The following TDRD9 variants were observed in gnomAD, a reference collection of about 807,000 sequenced individuals.
TDRD9 encodes ATP-dependent RNA helicase TDRD9.
In TDRD9, 124 loss-of-function variants were observed where a neutral mutation model predicts 172.6. That is an observed-to-expected ratio of 0.72 (90% CI 0.62 to 0.83). The LOEUF (loss-of-function observed/expected upper bound fraction) is 0.83, where lower values mean the gene tolerates loss of function less well. Among genes scored for constraint, TDRD9 ranks in the 40% least tolerant of loss-of-function variants. TDRD9 has a pLI of 0.00. For missense variants in TDRD9, 1,479 were observed against 1,714.1 expected (o/e 0.86, Z 2.42); for synonymous variants, 619 against 617.1 (o/e 1.00, Z -0.05).
chr14:103,938,429 TATATATA>T lies in TDRD9; in HGVS notation c.215+9706_215+9712del, dbSNP rs1193014323. On this transcript the variant is annotated intron_variant, in intron 1 of 35. Coordinates refer to ENST00000409874, the MANE Select transcript of TDRD9 (RefSeq NM_153046.3). Reference sequence around the variant, plus strand: ...GTGTGTGTGTGTATATATATATATATATATATATATATTTTTTTTTTTTTTTTGAGAT... The same window carrying T: ...GTGTGTGTGTGTATATATATATATATTATATTTTTTTTTTTTTTTTGAGAT... 4.8e-3 allele frequency among the ~76,000 whole-genome samples: 293 copies of T among 60,690 alleles called. 10 individuals carry two copies. The highest frequency in any genetic ancestry group is 0.017 in the African/African-American group (286 of 16,516). 39.8% of individuals were successfully genotyped at this position (60,690 alleles called of 152,430 possible).
intron 8 of TDRD9, 104 bp downstream of exon 8, chr14:103,986,424 G>A: frequency 2.4e-6 from 2 of 818,416 alleles, no homozygotes; most frequent in Non-Finnish European, 1.9e-6. Flanking sequence ...ATAACTATAG[G>A]TACTTTTTTA....
At chr14:104,044,264 C>T (rs2035698973) in intron 34 of TDRD9, among the ~76,000 whole-genome samples, 2 of 152,040 alleles carry the variant, frequency 1.3e-5, no homozygotes, top group South Asian at 4.2e-4. Flanking sequence ...TGCAGGGGTG[C>T]CCTGACTTCT....
chr14:103,956,111 A>AAT lies in TDRD9; in HGVS notation c.322+379_322+380dup, dbSNP rs1173008862. On this transcript the variant is annotated intron_variant, in intron 2 of 35. Transcript: ENST00000409874. ...AAAAAAAAAAAAAAAAAAAAAAAAA[A>AAT]ATATATATATATATATATATATATA... 8.7e-3 allele frequency among the ~76,000 whole-genome samples: 160 copies of AAT among 18,352 alleles called. 2 individuals carry two copies. Among genetic ancestry groups the AAT allele is most frequent in the African/African-American group, 0.021 (76 of 3,662 alleles). The allele number at this position is 18,352 out of a possible 152,430, so 12.0% of individuals were successfully genotyped here.
chr14:104,021,405 T>C (rs1352382874), intron 23 of TDRD9, among the ~76,000 whole-genome samples: 1 of 152,170 alleles, frequency 6.6e-6, no homozygotes, highest in Non-Finnish European at 1.5e-5. Flanking sequence ...TGGCAATCAA[T>C]GGTTTTGGCC....
chr14:103,946,749 C>G (rs889535101), intron 1 of TDRD9, among the ~76,000 whole-genome samples: 1 of 152,160 alleles, frequency 6.6e-6, no homozygotes. Context: ...TTTCTATACC[C>G]TAACAATGAA....
intron 32 of TDRD9, among the ~76,000 whole-genome samples, chr14:104,036,279 T>C (rs2035448066): frequency 6.6e-6 from 1 of 152,234 alleles, no homozygotes; most frequent in South Asian, 2.1e-4. Context: ...CCTGTTTTAA[T>C]TATACATGCA....
Position 104,006,548 on chromosome 14 carries a change from A to G in TDRD9, c.1873A>G (p.Ile625Val), listed in dbSNP as rs368241946. The change falls in exon 16 of 36, where the codon ATT becomes GTT. Residue 625 changes from isoleucine to valine, a missense_variant. Transcript: ENST00000409874. ...HVFGCLDECL[I>V]IAAALSLKNF... is the part of the protein sequence containing the mutation. The stretch of plus-strand genomic sequence containing the variant: ...ATTTGGATGTCTAGATGAATGTCTT[A>G]TTATAGGTAAGTGTGAGAACAAATA... The G allele has an allele frequency of 1.2e-6, 2 of 1,613,580 alleles. No individual in the cohort carries two copies. Among genetic ancestry groups the G allele is most frequent in the Non-Finnish European group, 1.7e-6 (2 of 1,179,528 alleles).
At chr14:104,008,388 G>A (rs759103070) in intron 19 of TDRD9, 25 bp from the exon 20 acceptor site, 4 of 1,282,920 alleles carry the variant, frequency 3.1e-6, no homozygotes, top group Non-Finnish European at 1.1e-6. Context: ...TTAATATTGA[G>A]TATTCTGCTT....
At chr14:103,964,617 C>G (rs1218300458) in intron 3 of TDRD9, among the ~76,000 whole-genome samples, 2 of 152,154 alleles carry the variant, frequency 1.3e-5, no homozygotes, top group Non-Finnish European at 2.9e-5. Context: ...ACCTCTGTCT[C>G]CAGGGTTCAA....
intron 4 of TDRD9, among the ~76,000 whole-genome samples, chr14:103,966,297 C>T (rs1370170548): frequency 6.6e-6 from 1 of 152,322 alleles, no homozygotes; most frequent in Non-Finnish European, 1.5e-5. Flanking sequence ...TGCCACTGCA[C>T]TCCAACTTGG....
At position 104,004,274 on chromosome 14, in the gene TDRD9, G is replaced by A. The variant is rs1566775451; in HGVS notation, c.1520G>A (p.Arg507Gln). The change falls in exon 14 of 36, where the codon CGG becomes CAG. Residue 507 changes from arginine (R) to glutamine (Q), a missense_variant. Physicochemically the swap from Arg to Gln is conservative, Grantham distance 43. Coordinates refer to ENST00000409874, the MANE Select transcript of TDRD9 (RefSeq NM_153046.3). ...CGAGTGTCTAGAGGGTACTGTTACC[G>A]GCTGGTACACAAGGATTTCTGGGAC... Reference protein sequence around the residue: ...AGRVSRGYCYRLVHKDFWDNS... With the variant: ...AGRVSRGYCYQLVHKDFWDNS... 13 of 1,604,440 alleles carry A rather than the reference G, an allele frequency of 8.1e-6. No homozygotes were observed. The highest frequency in any genetic ancestry group is 1.1e-5 in the South Asian group (1 of 89,478).
intron 1 of TDRD9, among the ~76,000 whole-genome samples, chr14:103,948,647 T>G (rs1265739512): frequency 6.6e-6 from 1 of 151,996 alleles, no homozygotes; most frequent in East Asian, 1.9e-4. Context: ...GGAAGAAAAT[T>G]CTGACATACG....
rs759760217 is a variant in TDRD9 at position 103,965,317 on chromosome 14, T to A, written c.421-16T>A. On this transcript the variant is annotated splice_polypyrimidine_tract_variant and intron_variant, in intron 3 of 35. Transcript: ENST00000409874. ...CCATTTTGTGCTGATTTTGAAAGAA[T>A]TTTTTAAATTTCTAGGTTGTGTCTT... 1.2e-5 allele frequency: 18 copies of A among 1,548,840 alleles called. No individual in the cohort carries two copies. Among genetic ancestry groups the A allele is most frequent in the Non-Finnish European group, 1.6e-5 (18 of 1,144,822 alleles).
chr14:103,956,108 AAAAATATATATAT>A (rs2032207008), intron 2 of TDRD9, among the ~76,000 whole-genome samples: 1 of 36,240 alleles, frequency 2.8e-5, no homozygotes, highest in Non-Finnish European at 4.8e-5. Flanking sequence ...AAAAAAAAAA[AAAAATATATATAT>A]ATATATATAT....
At chr14:103,950,107 T>G (rs1331787488) in intron 1 of TDRD9, among the ~76,000 whole-genome samples, 1 of 148,722 alleles carries the variant, frequency 6.7e-6, no homozygotes, top group African/African-American at 2.5e-5. Flanking sequence ...TTTTTTTTTT[T>G]TGATGGAGTT....
At chr14:104,017,625 T>C (rs1247008467) in intron 22 of TDRD9, among the ~76,000 whole-genome samples, 1 of 152,242 alleles carries the variant, frequency 6.6e-6, no homozygotes, top group African/African-American at 2.4e-5. Context: ...GCATGGTACC[T>C]TGAGAGTTTA....
At chr14:104,013,043 G>A (rs2034664274) in intron 20 of TDRD9, among the ~76,000 whole-genome samples, 1 of 152,176 alleles carries the variant, frequency 6.6e-6, no homozygotes, top group Non-Finnish European at 1.5e-5. Flanking sequence ...GGGGTACAGA[G>A]GCGAGCATCT....
intron 2 of TDRD9, 114 bp from the exon 3 acceptor site, chr14:103,962,965 A>AGTGTGT (rs55873775): frequency 0.017 from 6,915 of 403,444 alleles, 65 homozygotes; most frequent in South Asian, 0.04. Flanking sequence ...TTTGTATTTG[A>AGTGTGT]GTGTGTGTGT....
chr14:103,975,814 G>T (rs1320888389), intron 7 of TDRD9, among the ~76,000 whole-genome samples: 1 of 152,090 alleles, frequency 6.6e-6, no homozygotes, highest in African/African-American at 2.4e-5. Context: ...TATCTTTGTG[G>T]TGGGAACATT....
Sources: gnomAD v4.1 joint callset for allele counts (sites outside exome capture counted in the v4.1 genomes callset) on GRCh38, gnomAD v4.1.1 for gene constraint, MANE v1.5 for transcripts, NCBI Gene and HGNC (gene_info 2026-07-23, HGNC 2026-07-21) for gene names.